GAB2: variants seen among roughly 807,000 people sequenced by gnomAD.
GAB2 encodes the protein GRB2-associated-binding protein 2.
Under a neutral mutation model 65.5 loss-of-function variants are expected in GAB2, and 26 were observed. The observed-to-expected ratio is 0.40, with a 90% CI of 0.29 to 0.55. GAB2 has a LOEUF of 0.55. GAB2 is among the 20% of genes least tolerant of loss of function. The pLI, the probability that GAB2 is intolerant of heterozygous loss-of-function variation, is 0.53. For synonymous variants in GAB2, 321 were observed against 329.6 expected, an observed-to-expected ratio of 0.97 and a Z score of 0.28; for missense variants, 884 against 875.8, an observed-to-expected ratio of 1.01 and a Z score of -0.12.
At chr11:78,231,944 T>C (rs1034184105) in intron 3 of GAB2, 1 of 152,206 alleles carries the variant, frequency 6.6e-6, no homozygotes, top group South Asian at 2.1e-4. Flanking sequence ...CCTCTTGCAT[T>C]TGACCCATTC....
At chr11:78,296,429 C>T (rs977711196) in intron 1 of GAB2, among the ~76,000 whole-genome samples, 1 of 152,220 alleles carries the variant, frequency 6.6e-6, no homozygotes, top group African/African-American at 2.4e-5. Flanking sequence ...TTCAACTCTG[C>T]CTGAACAAAG....
intron 1 of GAB2, among the ~76,000 whole-genome samples, chr11:78,303,061 G>T (rs985027370): frequency 3.3e-5 from 5 of 152,180 alleles, no homozygotes; most frequent in Admixed American, 2.6e-4. Context: ...TGAGAGGAGG[G>T]TGATGGACAG....
At chr11:78,238,348 TAATC>T (rs1865042525) in intron 3 of GAB2, among the ~76,000 whole-genome samples, 1 of 151,666 alleles carries the variant, frequency 6.6e-6, no homozygotes, top group Non-Finnish European at 1.5e-5. Context: ...TACAAAAAAT[TAATC>T]AAGTATGGTG....
rs867766323 is a variant in GAB2 at position 78,380,239 on chromosome 11, C to T, written c.75+37407G>A. On this transcript the variant is annotated intron_variant, in intron 1 of 9. Transcript: ENST00000361507. The stretch of plus-strand genomic sequence containing the variant: ...TTTTTTTTTTTTTGAGACGAAGTCT[C>T]GCTCTGTCGCCAGGCTGAAATGCAG... 4.7e-5 allele frequency among the ~76,000 whole-genome samples: 7 copies of T among 149,498 alleles called. No individual in the cohort carries two copies. In the South Asian group the frequency reaches 1.3e-3, roughly 27 times the overall value.
chr11:78,305,472 G>GGT (rs1855336531), intron 1 of GAB2, among the ~76,000 whole-genome samples: 1 of 152,178 alleles, frequency 6.6e-6, no homozygotes, highest in Non-Finnish European at 1.5e-5. Context: ...ACAGAGGGGA[G>GGT]GTGGCACAGG....
chr11:78,261,317 A>T (rs1194992370), intron 2 of GAB2, among the ~76,000 whole-genome samples: 1 of 152,124 alleles, frequency 6.6e-6, no homozygotes, highest in Non-Finnish European at 1.5e-5. Flanking sequence ...CCAGAACCAG[A>T]ACCAGAACAA....
intron 1 of GAB2, among the ~76,000 whole-genome samples, chr11:78,318,477 T>C (rs985633496): frequency 2.0e-5 from 3 of 148,614 alleles, no homozygotes. Flanking sequence ...GTGTGCATAG[T>C]AGAAATATCA....
At chr11:78,416,470 A>G (rs1356044945) in intron 1 of GAB2, among the ~76,000 whole-genome samples, 1 of 152,182 alleles carries the variant, frequency 6.6e-6, no homozygotes, top group Non-Finnish European at 1.5e-5. Flanking sequence ...CCCCCCATGG[A>G]CAGCCACTGG....
chr11:78,401,528 G>C (rs1856972915), intron 1 of GAB2, among the ~76,000 whole-genome samples: 1 of 150,302 alleles, frequency 6.7e-6, no homozygotes, highest in South Asian at 2.1e-4. Context: ...GTGTGTGTGT[G>C]TGTGTGTGTG....
At chr11:78,267,691 T>C (rs1865904546) in intron 2 of GAB2, among the ~76,000 whole-genome samples, 2 of 151,346 alleles carry the variant, frequency 1.3e-5, no homozygotes, top group African/African-American at 4.9e-5. Context: ...ACCCCGTCGC[T>C]ACTAAAAATA....
chr11:78,225,315 T>C (rs1864599840), intron 4 of GAB2, 113 bp from the exon 5 acceptor site: 1 of 659,082 alleles, frequency 1.5e-6, no homozygotes, highest in Admixed American at 2.7e-5. Flanking sequence ...AAGATACTAC[T>C]CTCAACCCCA....
At chr11:78,255,748 C>G (rs1028251413) in intron 2 of GAB2, among the ~76,000 whole-genome samples, 1 of 152,230 alleles carries the variant, frequency 6.6e-6, no homozygotes. Flanking sequence ...CATGGCCATT[C>G]TGGACAGGGC....
intron 1 of GAB2, among the ~76,000 whole-genome samples, chr11:78,307,635 A>AGAGAGAGAGAGAGAGAGAGAGAGG (rs1591022770): frequency 1.3e-5 from 2 of 150,552 alleles, no homozygotes; most frequent in South Asian, 2.1e-4. Flanking sequence ...AGAGAGAGAG[A>AGAGAGAGAGAGAGAGAGAGAGAGG]TGTTGAGTCA....
chr11:78,240,703 G>C (rs1254556227), intron 3 of GAB2, among the ~76,000 whole-genome samples: 1 of 151,138 alleles, frequency 6.6e-6, no homozygotes, highest in African/African-American at 2.4e-5. Context: ...CCAAATTCTA[G>C]TTGTATCCTC....
chr11:78,250,036 G>A (rs1865403697), intron 3 of GAB2, 121 bp downstream of exon 3: 1 of 1,013,878 alleles, frequency 9.9e-7, no homozygotes, highest in Non-Finnish European at 1.5e-6. Context: ...TTTTGTCATA[G>A]ACGTGTTTGT....
At position 78,260,383 on chromosome 11, in the gene GAB2, G is replaced by A. The variant is rs148566179; in HGVS notation, c.377-9983C>T. Among the ~76,000 whole-genome samples, 330 of 152,316 alleles carry A rather than the reference G, an allele frequency of 2.2e-3. 1 individual carries two copies. Among genetic ancestry groups the A allele is most frequent in the African/African-American group, 7.3e-3 (304 of 41,576 alleles). On this transcript the variant is annotated intron_variant, in intron 2 of 9. Coordinates refer to ENST00000361507, the MANE Select transcript of GAB2 (RefSeq NM_080491.3). ...GACACAGCACAGTTCCTGGTCACAC[G>A]TCCTTTTACAACCTTCTTTGGCTCG... is the stretch of plus-strand genomic sequence containing the variant.
chr11:78,341,573 C>A (rs568264847), intron 1 of GAB2, among the ~76,000 whole-genome samples: 1 of 152,260 alleles, frequency 6.6e-6, no homozygotes, highest in Admixed American at 6.5e-5. Flanking sequence ...TCCAGGACTG[C>A]CAATGGTTTC....
chr11:78,367,164 C>T (rs1373334399), intron 1 of GAB2, among the ~76,000 whole-genome samples: 2 of 152,124 alleles, frequency 1.3e-5, no homozygotes, highest in Non-Finnish European at 2.9e-5. Flanking sequence ...TTCTTTTCCC[C>T]CATCAACTTG....
chr11:78,317,545 C>T lies in GAB2; in HGVS notation c.76-36644G>A, dbSNP rs559202005. On this transcript the variant is annotated intron_variant, in intron 1 of 9. Coordinates refer to ENST00000361507, the MANE Select transcript of GAB2 (RefSeq NM_080491.3). ...ACTGCACTCCAGCCTGGCAACAGTG[C>T]GAGACTCCGTCTCAAAAAAAAAAAA... Among the ~76,000 whole-genome samples the T allele has an allele frequency of 2.6e-3, 300 of 115,908 alleles. 1 individual carries two copies. Among genetic ancestry groups the T allele is most frequent in the African/African-American group, 9.3e-3 (273 of 29,228 alleles). 76.0% of individuals were successfully genotyped at this position (115,908 alleles called of 152,430 possible). A position where few individuals can be genotyped will look rare whatever the true frequency, so the allele number is the denominator to read the frequency against.
Sources: gnomAD v4.1 joint callset for allele counts (sites outside exome capture counted in the v4.1 genomes callset) on GRCh38, gnomAD v4.1.1 for gene constraint, MANE v1.5 for transcripts, NCBI Gene and HGNC (gene_info 2026-07-23, HGNC 2026-07-21) for gene names.